NUP54: variants seen among roughly 807,000 people sequenced by gnomAD.
NUP54 encodes nucleoporin 54, also known as nucleoporin p54.
NUP54 carries 27 observed loss-of-function variants against 66.4 expected under a neutral mutation model. The ratio of observed to expected loss-of-function variants is 0.41; its 90% CI spans 0.30 to 0.56. The LOEUF (loss-of-function observed/expected upper bound fraction) is 0.56, where lower values mean the gene tolerates loss of function less well. Ranked by LOEUF, NUP54 falls within the 20% of genes least tolerant of loss-of-function variation. The pLI is 0.34. For missense variants in NUP54, 486 were observed against 596.3 expected (o/e 0.82, Z 1.93); for synonymous variants, 206 against 210.7 (o/e 0.98, Z 0.19).
intron 1 of NUP54, chr4:76,145,465 A>G: frequency 1.6e-6 from 1 of 643,024 alleles, no homozygotes; most frequent in South Asian, 2.3e-5. Context: ...GGTTTTGGTG[A>G]ATTAATTTAT....
At chr4:76,120,089 AT>A in intron 9 of NUP54, among the ~76,000 whole-genome samples, 1 of 152,228 alleles carries the variant, frequency 6.6e-6, no homozygotes, top group East Asian at 1.9e-4. Flanking sequence ...ATGGATATAC[AT>A]TTTGTTTTCA....
chr4:76,141,443 A>T lies in NUP54; in HGVS notation c.295+2706T>A, dbSNP rs368510557. ...CCTCAAACTCATTATCTACCCACAAACATCTGCTCTTGCTTTAGTATTCTG... is the reference window on the plus strand; with the variant it reads ...CCTCAAACTCATTATCTACCCACAATCATCTGCTCTTGCTTTAGTATTCTG... On this transcript the variant is annotated intron_variant, in intron 3 of 11. Transcript: ENST00000264883. Among the ~76,000 whole-genome samples, 7 of 152,254 alleles carry T rather than the reference A, an allele frequency of 4.6e-5. No individual in the cohort carries two copies. The South Asian group carries it at 1.5e-3, about 32-fold the overall frequency.
chr4:76,132,302 C>T (rs1387755741), intron 6 of NUP54: 2 of 321,548 alleles, frequency 6.2e-6, no homozygotes, highest in African/African-American at 2.1e-5. Flanking sequence ...TTCTTCAGTT[C>T]ACTATTTCTC....
intron 8 of NUP54, among the ~76,000 whole-genome samples, chr4:76,129,966 GTTTTTTTTTTTTTTTTTTTT>G (rs775109047): frequency 3.5e-5 from 2 of 56,862 alleles, no homozygotes; most frequent in African/African-American, 7.1e-5. Context: ...AATTATGAAA[GTTTTTTTTTTTTTTTTTTTT>G]TTTTTTTTTT....
chr4:76,121,606 A>G (rs551813893), intron 9 of NUP54, among the ~76,000 whole-genome samples: 1 of 152,330 alleles, frequency 6.6e-6, no homozygotes, highest in South Asian at 2.1e-4. Context: ...CTGTGACTAT[A>G]GGTGCCATGT....
At chr4:76,122,294 A>C (rs1171961326) in intron 9 of NUP54, among the ~76,000 whole-genome samples, 2 of 152,326 alleles carry the variant, frequency 1.3e-5, no homozygotes, top group East Asian at 1.9e-4. Flanking sequence ...TATACTCTAC[A>C]TATGACAATT....
chr4:76,127,432 C>CAAAAAAAAAAAA (rs59383944), intron 8 of NUP54, among the ~76,000 whole-genome samples: 2 of 54,766 alleles, frequency 3.7e-5, no homozygotes, highest in Admixed American at 2.2e-4. Context: ...ACCCCCATCT[C>CAAAAAAAAAAAA]AAAAAAAAAA....
chr4:76,132,622 T>C lies in NUP54; in HGVS notation c.808A>G (p.Ile270Val), dbSNP rs368085835. 12 of 1,614,056 alleles carry C rather than the reference T, an allele frequency of 7.4e-6. No individual in the cohort carries two copies. Among genetic ancestry groups the C allele is most frequent in the African/African-American group, 2.7e-5 (2 of 74,936 alleles). Residue 270 changes from isoleucine to valine, a missense_variant, in exon 6 of 12, where the codon ATA (isoleucine) becomes GTA (valine). By Grantham distance (29) the Ile-to-Val change is conservative. Transcript: ENST00000264883. ...CCAAGTTGCTGCAATTGTGTTTTTA[T>C]ATTGGCTTGTTCAAAATGGGCATAT... ...TLYAHFEQAN[I>V]KTQLQQLGVT...
chr4:76,141,252 T>C (rs115876982), intron 3 of NUP54, among the ~76,000 whole-genome samples: 2,294 of 152,294 alleles, frequency 0.015, 50 homozygotes, highest in African/African-American at 0.052. Context: ...GGCTTGGGGA[T>C]AGGAGATGGC....
chr4:76,136,194 G>C lies in NUP54; in HGVS notation c.514C>G (p.Arg172Gly). 4 of 1,610,436 alleles carry C rather than the reference G, an allele frequency of 2.5e-6. No homozygotes were observed. The highest frequency in any genetic ancestry group is 3.4e-6 in the Non-Finnish European group (4 of 1,176,934). ...VEFTQENPFC[R>G]FKAVGYSCMP... ...AATAGTATTAATAATACCTTAAATC[G>C]GCAAAAGGGATTTTCTTGTGTGAAT... The change falls in exon 4 of 12, where the codon CGA becomes GGA. Residue 172 changes from arginine to glycine, a missense_variant. Coordinates refer to ENST00000264883, the MANE Select transcript of NUP54 (RefSeq NM_017426.4).
chr4:76,147,808 G>A (rs1365480957), intron 1 of NUP54: 1 of 391,574 alleles, frequency 2.6e-6, no homozygotes, highest in African/African-American at 2.1e-5. Context: ...GGGTGGGGCA[G>A]ATGGAAGAAG....
intron 6 of NUP54, 34 bp downstream of exon 6, chr4:76,132,489 T>C (rs183496530): frequency 0.017 from 22,855 of 1,350,124 alleles, 206 homozygotes; most frequent in Non-Finnish European, 0.021. Context: ...TAAATCTTTC[T>C]TTTTTTTTGA....
intron 1 of NUP54, chr4:76,147,554 A>T: frequency 7.8e-7 from 1 of 1,289,784 alleles, no homozygotes; most frequent in Non-Finnish European, 1.0e-6. Context: ...CCAATATTAA[A>T]GTTCACTGCA....
intron 4 of NUP54, 40 bp downstream of exon 4, chr4:76,136,146 C>A (rs745895656): frequency 1.7e-5 from 23 of 1,390,030 alleles, no homozygotes; most frequent in African/African-American, 4.3e-5. Context: ...TTCTGTTATA[C>A]AAAATCTTCA....
chr4:76,136,130 T>C, intron 4 of NUP54, 56 bp downstream of exon 4: 1 of 1,169,842 alleles, frequency 8.5e-7, no homozygotes, highest in Non-Finnish European at 1.3e-6. Flanking sequence ...TTAATCTAAA[T>C]ATATTTTCTG....
At chr4:76,146,116 T>C (rs1210137965) in intron 1 of NUP54, 4 of 452,142 alleles carry the variant, frequency 8.8e-6, no homozygotes, top group Non-Finnish European at 1.8e-5. Flanking sequence ...AAAAATGTTT[T>C]AGTAATAGCA....
chr4:76,125,316 T>TCTCA (rs1730424773), intron 8 of NUP54, among the ~76,000 whole-genome samples: 1 of 125,284 alleles, frequency 8.0e-6, no homozygotes, highest in African/African-American at 2.7e-5. Context: ...TGAGACTCCA[T>TCTCA]CACACACACA....
chr4:76,134,488 A>G, intron 4 of NUP54, 126 bp from the exon 5 acceptor site: 3 of 784,926 alleles, frequency 3.8e-6, no homozygotes, highest in Non-Finnish European at 5.9e-6. Flanking sequence ...TAAGGGAATA[A>G]TGATTCTTCC....
chr4:76,116,661 C>T (rs1270921466), intron 11 of NUP54, among the ~76,000 whole-genome samples: 4 of 152,122 alleles, frequency 2.6e-5, no homozygotes, highest in African/African-American at 7.2e-5. Flanking sequence ...AACTTACATG[C>T]GACATATAGG....
Sources: gnomAD v4.1 joint callset for allele counts (sites outside exome capture counted in the v4.1 genomes callset) on GRCh38, gnomAD v4.1.1 for gene constraint, MANE v1.5 for transcripts, NCBI Gene and HGNC (gene_info 2026-07-23, HGNC 2026-07-21) for gene names.